HUWE1: variants seen among roughly 807,000 people sequenced by gnomAD.
The protein encoded by HUWE1 is HECT, UBA and WWE domain containing E3 ubiquitin protein ligase 1, also known as E3 ubiquitin-protein ligase HUWE1.
In HUWE1, 18 loss-of-function variants were observed where a neutral mutation model predicts 299.4. The ratio of observed to expected loss-of-function variants is 0.06; its 90% CI spans 0.04 to 0.09. The LOEUF (loss-of-function observed/expected upper bound fraction) is 0.09. Ranked by LOEUF, HUWE1 falls within the 10% of genes least tolerant of loss-of-function variation. The pLI, the probability that HUWE1 is intolerant of heterozygous loss-of-function variation, is 1.00. For missense variants in HUWE1, 1,832 were observed against 3,462.3 expected (o/e 0.53, Z 11.82); for synonymous variants, 1,317 against 1,286.1 (o/e 1.02, Z -0.51).
In HUWE1 at chrX:53,552,566, T is replaced by C. The variant is rs782604690; in HGVS notation, c.8750+72A>G. ...CCAGCATAACAAGCATGTCCATTAG[T>C]TGACGAGTATGAAATGTGCTTTGAA... is the stretch of plus-strand genomic sequence containing the variant. On this transcript the variant is annotated intron_variant, in intron 62 of 83. Coordinates refer to ENST00000262854, the MANE Select transcript of HUWE1 (RefSeq NM_031407.7). The C allele has an allele frequency of 2.5e-5, 30 of 1,203,318 alleles. No homozygotes were observed. The African/African-American group carries it at 4.2e-4, about 17-fold the overall frequency.
At position 53,568,883 on chromosome X, in the gene HUWE1, G is replaced by A; in HGVS notation, c.6525-9C>T. 2.5e-6 allele frequency: 3 copies of A among 1,185,804 alleles called. No homozygotes were observed. The highest frequency in any genetic ancestry group is 3.4e-6 in the Non-Finnish European group (3 of 879,923). On this transcript the variant is annotated splice_polypyrimidine_tract_variant and intron_variant, in intron 48 of 83. Coordinates refer to ENST00000262854, the MANE Select transcript of HUWE1 (RefSeq NM_031407.7). ...ACATCACTGCCTGAAGCCTGGGAGA[G>A]AAGTTTTGACATCTCTATCATATGA...
At position 53,558,968 on chromosome X, in the gene HUWE1, C is replaced by T. The variant is rs1288882912; in HGVS notation, c.8005+3G>A. ...TTGCCCTGATAACCAAGCTGCCACG[C>T]ACCTGAAACACAGTCATGCATGCTC... On this transcript the variant is annotated splice_donor_region_variant and intron_variant, in intron 58 of 83. Transcript: ENST00000262854. 2.5e-6 allele frequency: 3 copies of T among 1,187,953 alleles called. No homozygotes were observed. The highest frequency in any genetic ancestry group is 1.8e-5 in the African/African-American group (1 of 56,597).
chrX:53,632,554 G>A lies in HUWE1; in HGVS notation c.578C>T (p.Pro193Leu). 8.4e-7 allele frequency: 1 copy of A among 1,191,397 alleles called. No homozygotes were observed. The highest frequency in any genetic ancestry group is 1.1e-6 in the Non-Finnish European group (1 of 877,270). ...TTCAAAGTGTAGTGTAGTTGCACTG[G>A]GTGGATATTTCTGTGTATAAAGCAC... ...CRDLHMMKYP[P>L]SATTLHFEFY... Residue 193 changes from proline (P) to leucine (L), a missense_variant, in exon 9 of 84, where the codon CCC becomes CTC. Transcript: ENST00000262854.
chrX:53,534,135 C>T lies in HUWE1; in HGVS notation c.12894G>A (p.Gln4298=). ...GTACCTTGGAAGTACCTGTGACAAACTGGAGGAACTTGGCACGGTCAGCTT... is the reference window on the plus strand; with the variant it reads ...GTACCTTGGAAGTACCTGTGACAAATTGGAGGAACTTGGCACGGTCAGCTT... The part of the protein sequence containing the change: ...FDQADRAKFL[Q]FVTGTSKVPL... Residue 4298 remains glutamine, a synonymous_variant, in exon 83 of 84, where the codon CAG becomes CAA. Coordinates refer to ENST00000262854, the MANE Select transcript of HUWE1 (RefSeq NM_031407.7). The T allele has an allele frequency of 5.0e-6, 6 of 1,210,500 alleles. No homozygotes were observed. Among genetic ancestry groups the T allele is most frequent in the Non-Finnish European group, 6.7e-6 (6 of 894,416 alleles).
chrX:53,641,609 G>A (rs1557031203), intron 7 of HUWE1, among the ~76,000 whole-genome samples: 1 of 111,636 alleles, frequency 9.0e-6, no homozygotes, highest in African/African-American at 3.3e-5. Context: ...AGTAATCACA[G>A]ATTATAGTTG....
chrX:53,673,498 G>A (rs978495855), intron 3 of HUWE1, among the ~76,000 whole-genome samples: 1 of 111,735 alleles, frequency 8.9e-6, no homozygotes, highest in Admixed American at 9.5e-5. Context: ...GGTGGCACAA[G>A]TACAGTTCTG....
chrX:53,590,746 T>G (rs1298531518), intron 34 of HUWE1, among the ~76,000 whole-genome samples: 3 of 112,478 alleles, frequency 2.7e-5, no homozygotes, highest in Non-Finnish European at 5.6e-5. Flanking sequence ...TGATCATCTA[T>G]TCTACATCTT....
At chrX:53,629,437 C>T (rs782458740) in intron 13 of HUWE1, 79 bp downstream of exon 13, 2 of 661,490 alleles carry the variant, frequency 3.0e-6, no homozygotes, top group Non-Finnish European at 5.0e-6. Context: ...CCCCTCCCCC[C>T]CCAAAAAAGT....
chrX:53,633,079 C>T (rs2066978742), intron 8 of HUWE1, among the ~76,000 whole-genome samples: 1 of 112,322 alleles, frequency 8.9e-6, no homozygotes, highest in African/African-American at 3.2e-5. Context: ...CCTTCTATAC[C>T]ATTCTACACC....
chrX:53,554,889 T>C lies in HUWE1; in HGVS notation c.8238A>G (p.Thr2746=). ...TAGCTGCATCAGTTGAAGATGGGGT[T>C]GTTGGGTAGCTGTCAGGCATAGGCG... ...DGTPMPDSYP[T]TPSSTDAATS... The change falls in exon 61 of 84, where the codon ACA becomes ACG. Residue 2746 remains threonine, a synonymous_variant. Coordinates refer to ENST00000262854, the MANE Select transcript of HUWE1 (RefSeq NM_031407.7). The C allele has an allele frequency of 8.4e-7, 1 of 1,191,234 alleles. No homozygotes were observed. The highest frequency in any genetic ancestry group is 1.1e-6 in the Non-Finnish European group (1 of 883,432).
chrX:53,682,734 A>G (rs1397897257), intron 2 of HUWE1, among the ~76,000 whole-genome samples: 1 of 111,279 alleles, frequency 9.0e-6, no homozygotes, highest in Non-Finnish European at 1.9e-5. Context: ...TCCACAGACC[A>G]AGAGGCTCCA....
At position 53,613,582 on chromosome X, in the gene HUWE1, A is replaced by G. The variant is rs782632762; in HGVS notation, c.2261+952T>C. ...AGTTACAGTTCATCCCTGGTATGTG[A>G]ATACTGCTCAAAGAGCCTGGTGGAC... On this transcript the variant is annotated intron_variant, in intron 23 of 83. Transcript: ENST00000262854. Among the ~76,000 whole-genome samples the G allele has an allele frequency of 3.6e-5, 4 of 111,661 alleles. No homozygotes were observed. In the East Asian group the frequency reaches 8.4e-4, roughly 24 times the overall value.
chrX:53,544,046 T>C (rs1306931844), intron 72 of HUWE1, 78 bp from the exon 73 acceptor site: 10 of 931,637 alleles, frequency 1.1e-5, no homozygotes, highest in Non-Finnish European at 1.5e-5. Context: ...TCCTATCTCC[T>C]GGGCTGCCAC....
intron 39 of HUWE1, 137 bp downstream of exon 39, chrX:53,586,353 C>T: frequency 2.1e-6 from 1 of 475,656 alleles, no homozygotes; most frequent in South Asian, 3.1e-5. Flanking sequence ...AGAAACCTAG[C>T]TATGAAAATC....
intron 77 of HUWE1, 30 bp downstream of exon 77, chrX:53,538,307 C>T (rs782123029): frequency 2.0e-6 from 2 of 1,024,716 alleles, no homozygotes; most frequent in Admixed American, 2.2e-5. Context: ...TCTCACCACC[C>T]CTCTACCCCC....
chrX:53,686,392 G>A (rs1457773658), intron 1 of HUWE1, 24 bp from the exon 2 acceptor site: 1 of 112,923 alleles, frequency 8.9e-6, no homozygotes, highest in Non-Finnish European at 1.9e-5. Context: ...GAGGAGGCGG[G>A]GTTCAGGGAG....
At chrX:53,625,331 A>G in intron 17 of HUWE1, 73 bp from the exon 18 acceptor site, 1 of 653,680 alleles carries the variant, frequency 1.5e-6, no homozygotes. Context: ...ACATAAAACA[A>G]AATTTTAAGA....
chrX:53,535,574 C>A, intron 80 of HUWE1, 73 bp from the exon 81 acceptor site: 1 of 680,678 alleles, frequency 1.5e-6, no homozygotes, highest in South Asian at 2.2e-5. Context: ...AGGAACACAC[C>A]CTAAACCCCT....
At position 53,534,125 on chromosome X, in the gene HUWE1, C is replaced by T. The variant is rs1556909335; in HGVS notation, c.12904G>A (p.Gly4302Ser). 1 of 1,209,766 alleles carries T rather than the reference C, an allele frequency of 8.3e-7. No individual in the cohort carries two copies. ...CCTTGCAGGGGTACCTTGGAAGTAC[C>T]TGTGACAAACTGGAGGAACTTGGCA... The part of the protein sequence containing the change: ...DRAKFLQFVT[G>S]TSKVPLQGFA... The change falls in exon 83 of 84, where the codon GGT (glycine) becomes AGT (serine). Residue 4302 changes from glycine (G) to serine (S), a missense_variant. By Grantham distance (56) the Gly-to-Ser change is moderately conservative. Transcript: ENST00000262854.
Sources: gnomAD v4.1 joint callset for allele counts (sites outside exome capture counted in the v4.1 genomes callset) on GRCh38, gnomAD v4.1.1 for gene constraint, MANE v1.5 for transcripts, NCBI Gene and HGNC (gene_info 2026-07-23, HGNC 2026-07-21) for gene names.